MYLIP: variants seen among roughly 807,000 people sequenced by gnomAD.
MYLIP encodes the protein E3 ubiquitin-protein ligase MYLIP.
In MYLIP, 26 loss-of-function variants were observed where a neutral mutation model predicts 45.8. The ratio of observed to expected loss-of-function variants is 0.57; its 90% CI spans 0.42 to 0.79. The LOEUF (loss-of-function observed/expected upper bound fraction) is 0.79, where lower values mean the gene tolerates loss of function less well. Among genes scored for constraint, MYLIP ranks in the 30% least tolerant of loss-of-function variants. The pLI is 0.00. For missense variants in MYLIP, 494 were observed against 555.6 expected, an observed-to-expected ratio of 0.89 and a Z score of 1.11; for synonymous variants, 213 against 218.1, an observed-to-expected ratio of 0.98 and a Z score of 0.21.
Position 16,146,944 on chromosome 6 carries a change from T to G in MYLIP, c.*193T>G, listed in dbSNP as rs941666461. 1 of 482,432 alleles carries G rather than the reference T, an allele frequency of 2.1e-6. No homozygotes were observed. The highest frequency in any genetic ancestry group is 3.8e-6 in the Non-Finnish European group (1 of 265,766). The allele number at this position is 482,432 out of a possible 1,614,324, so 29.9% of individuals were successfully genotyped here. Reference sequence around the variant, plus strand: ...CATATCCATGCGTAGAATCAACAACTCCAGTCATGGGACCAGGAGGAGCTC... The same window carrying G: ...CATATCCATGCGTAGAATCAACAACGCCAGTCATGGGACCAGGAGGAGCTC... On this transcript the variant is annotated 3_prime_UTR_variant, in exon 7 of 7. Coordinates refer to ENST00000356840, the MANE Select transcript of MYLIP (RefSeq NM_013262.4).
the MYLIP span, among the ~76,000 whole-genome samples, chr6:16,153,710 A>C: frequency 6.6e-6 from 1 of 152,094 alleles, no homozygotes; most frequent in Non-Finnish European, 1.5e-5. Flanking sequence ...GTTAGGGGAG[A>C]GAGCGCGAGA....
intron 2 of MYLIP, among the ~76,000 whole-genome samples, chr6:16,133,866 C>T (rs989569744): frequency 1.3e-5 from 2 of 152,154 alleles, no homozygotes; most frequent in African/African-American, 4.8e-5. Flanking sequence ...CAACCCCATT[C>T]CAAGAGCTCC....
Position 16,135,748 on chromosome 6 carries a change from C to CATATATATATATATATATAT in MYLIP, c.278+5007_278+5008insATATATATATATATATATAT, listed in dbSNP as rs765116596. ...TACACACATTATATGTGTGTGTATA[C>CATATATATATATATATATAT]ATATATCTATATATATATATATATA... On this transcript the variant is annotated intron_variant, in intron 2 of 6. Transcript: ENST00000356840. 4.3e-3 allele frequency among the ~76,000 whole-genome samples: 488 copies of CATATATATATATATATATAT among 112,886 alleles called. 8 individuals are homozygous for CATATATATATATATATATAT. Among genetic ancestry groups the CATATATATATATATATATAT allele is most frequent in the Admixed American group, 0.015 (143 of 9,730 alleles). 74.1% of individuals were successfully genotyped at this position (112,886 alleles called of 152,430 possible).
At chr6:16,155,705 T>G in the MYLIP span, among the ~76,000 whole-genome samples, 1 of 151,958 alleles carries the variant, frequency 6.6e-6, no homozygotes, top group Non-Finnish European at 1.5e-5. Context: ...CACAGGTGAG[T>G]GGATGCAGGA....
chr6:16,160,263 C>A, the MYLIP span, among the ~76,000 whole-genome samples: 1 of 152,148 alleles, frequency 6.6e-6, no homozygotes, highest in African/African-American at 2.4e-5. Context: ...TTACTGTGCG[C>A]AAATTAAGAG....
At position 16,129,151 on chromosome 6, in the gene MYLIP, G is replaced by T; in HGVS notation, c.-172G>T. ...GGCAGCTGGCGGGCAGCGGGTGAGG[G>T]GGTGGCGGGGACGCGAGTGGCGGCC... On this transcript the variant is annotated 5_prime_UTR_variant, in exon 1 of 7. Transcript: ENST00000356840. This position sits in a 1 kb window ranked among gnomAD's most constrained non-coding sequence, Gnocchi z 5.1. The T allele has an allele frequency of 1.6e-6, 1 of 626,394 alleles. No homozygotes were observed. The highest frequency in any genetic ancestry group is 2.7e-6 in the Non-Finnish European group (1 of 363,798). The allele number at this position is 626,394 out of a possible 1,614,324, so 38.8% of individuals were successfully genotyped here.
chr6:16,158,865 G>A, the MYLIP span, among the ~76,000 whole-genome samples: 1 of 152,108 alleles, frequency 6.6e-6, no homozygotes, highest in South Asian at 2.1e-4. Flanking sequence ...GCAAGACTCC[G>A]TCTCAAAACA....
chr6:16,134,922 A>C (rs1759520745), intron 2 of MYLIP, among the ~76,000 whole-genome samples: 1 of 151,968 alleles, frequency 6.6e-6, no homozygotes, highest in African/African-American at 2.4e-5. Flanking sequence ...TTTGTATGAA[A>C]TATTCAAGGA....
rs1279670564 is a variant in MYLIP at position 16,137,691 on chromosome 6, A to ATTT, written c.279-3934_279-3933insTTT. On this transcript the variant is annotated intron_variant, in intron 2 of 6. Transcript: ENST00000356840. ...TTCCTAGATAATTGCTTTATGAGAC[A>ATTT]AGCCTGTGTTTAGAGGAAAGTTCTC... Among the ~76,000 whole-genome samples the ATTT allele has an allele frequency of 4.1e-3, 626 of 152,318 alleles. 3 individuals carry two copies. The highest frequency in any genetic ancestry group is 0.01 in the Middle Eastern group (3 of 294).
At chr6:16,141,917 A>G in intron 3 of MYLIP, 107 bp downstream of exon 3, 1 of 1,073,468 alleles carries the variant, frequency 9.3e-7, no homozygotes, top group Non-Finnish European at 1.3e-6. Flanking sequence ...TTTTATGTAC[A>G]TTTTTGAGCT....
chr6:16,146,276 T>C (rs1759788388), intron 6 of MYLIP, among the ~76,000 whole-genome samples: 1 of 152,226 alleles, frequency 6.6e-6, no homozygotes, highest in East Asian at 1.9e-4. Flanking sequence ...GTCAGTCAGC[T>C]GAGCTAAGGA....
the MYLIP span, among the ~76,000 whole-genome samples, chr6:16,162,261 G>A: frequency 2.6e-5 from 4 of 152,260 alleles, no homozygotes; most frequent in East Asian, 7.7e-4. Context: ...ACTGTTTTAT[G>A]TCTATATGTT....
At chr6:16,160,087 C>T in the MYLIP span, among the ~76,000 whole-genome samples, 89 of 152,330 alleles carry the variant, frequency 5.8e-4, no homozygotes, top group East Asian at 8.1e-3. Flanking sequence ...TCTGCCCTCC[C>T]TCTTACTTGT....
chr6:16,152,396 C>G (rs1561792940), downstream of MYLIP, among the ~76,000 whole-genome samples: 5 of 152,140 alleles, frequency 3.3e-5, no homozygotes, highest in Admixed American at 2.6e-4. Flanking sequence ...ATATTGGCCC[C>G]CAGGAAGCAC....
At chr6:16,130,188 A>G (rs1759429716) in intron 1 of MYLIP, among the ~76,000 whole-genome samples, 2 of 152,228 alleles carry the variant, frequency 1.3e-5, no homozygotes, top group Non-Finnish European at 2.9e-5. Flanking sequence ...AAAATTGCCC[A>G]GATAATAAGT....
intron 5 of MYLIP, among the ~76,000 whole-genome samples, 190 bp downstream of exon 5, chr6:16,144,053 G>A (rs544194779): frequency 2.6e-5 from 4 of 152,088 alleles, no homozygotes; most frequent in Admixed American, 6.5e-5. Flanking sequence ...CCCACAGAAG[G>A]TGCATGTGTG....
At chr6:16,148,892 A>G (rs867222409), downstream of MYLIP, among the ~76,000 whole-genome samples, 10 of 152,230 alleles carry the variant, frequency 6.6e-5, no homozygotes, top group African/African-American at 2.4e-4. Flanking sequence ...TATATAAGTG[A>G]TAATTATCTG....
rs1759705395 is a variant in MYLIP at position 16,143,033 on chromosome 6, CAT to C, written c.480_481del (p.His160GlnfsTer12). 6.2e-7 allele frequency: 1 copy of C among 1,613,940 alleles called. No individual in the cohort carries two copies. The highest frequency in any genetic ancestry group is 8.5e-7 in the Non-Finnish European group (1 of 1,179,878). On this transcript the variant is annotated frameshift_variant, in exon 4 of 7. Transcript: ENST00000356840. LOFTEE classifies it high-confidence loss of function. The part of the protein sequence containing the change: ...SATLNSIVAK[H>X]KELEGTSQAS... ...GGTGTCCTCCAGCATTGTTGCAAAACATAAGGAGTTGGAGGGGACCAGCCAGG... is the reference window on the plus strand; with the variant it reads ...GGTGTCCTCCAGCATTGTTGCAAAACAAGGAGTTGGAGGGGACCAGCCAGG...
chr6:16,156,594 T>G, the MYLIP span, among the ~76,000 whole-genome samples: 1 of 152,226 alleles, frequency 6.6e-6, no homozygotes, highest in Non-Finnish European at 1.5e-5. Flanking sequence ...CATAAAGCTT[T>G]GGGGCACCCA....
Sources: allele counts gnomAD v4.1 joint callset (sites outside exome capture counted in the v4.1 genomes callset), GRCh38; gene constraint gnomAD v4.1.1; non-coding constraint Gnocchi (gnomAD v3.1); transcripts MANE v1.5; gene names NCBI Gene and HGNC (gene_info 2026-07-23, HGNC 2026-07-21).